Variants in USP6NL observed in about 807,000 individuals in gnomAD.
USP6NL encodes USP6 N-terminal-like protein.
A neutral mutation model predicts 61.9 loss-of-function variants in USP6NL; 26 were observed. That is an observed-to-expected ratio of 0.42 (90% CI 0.31 to 0.58). USP6NL has a LOEUF of 0.58. Ranked by LOEUF, USP6NL falls within the 20% of genes least tolerant of loss-of-function variation. The pLI is 0.16. For synonymous variants in USP6NL, 432 were observed against 390.1 expected, an observed-to-expected ratio of 1.11 and a Z score of -1.27; for missense variants, 1,114 against 1,034.3, an observed-to-expected ratio of 1.08 and a Z score of -1.06.
Position 11,489,700 on chromosome 10 carries a change from G to C in USP6NL, c.544-478C>G, listed in dbSNP as rs1833629757. Among the ~76,000 whole-genome samples, 1 of 152,160 alleles carries C rather than the reference G, an allele frequency of 6.6e-6. No homozygotes were observed. Among genetic ancestry groups the C allele is most frequent in the Admixed American group, 6.5e-5 (1 of 15,276 alleles). On this transcript the variant is annotated intron_variant, in intron 9 of 14. Transcript: ENST00000609104. The surrounding 1 kb of genome is among the most constrained non-coding windows in gnomAD (Gnocchi z 5.7). The stretch of plus-strand genomic sequence containing the variant: ...AATACCCACTCTCCCCATAGTCCCT[G>C]CTTATGATGTGGCCTTAAGGATTCA...
At chr10:11,514,730 A>G (rs985265236) in intron 5 of USP6NL, among the ~76,000 whole-genome samples, 26 of 152,350 alleles carry the variant, frequency 1.7e-4, no homozygotes, top group African/African-American at 6.3e-4. Flanking sequence ...AAGATGTTCA[A>G]AACTAAATTT....
At chr10:11,501,326 A>G in intron 6 of USP6NL, 118 bp from the exon 7 acceptor site, 1 of 761,058 alleles carries the variant, frequency 1.3e-6, no homozygotes, top group Admixed American at 2.9e-5. Context: ...ATGGCAATTA[A>G]TTAATACATT....
At chr10:11,606,143 A>G (rs1838700652) in intron 1 of USP6NL, among the ~76,000 whole-genome samples, 1 of 152,230 alleles carries the variant, frequency 6.6e-6, no homozygotes, top group Non-Finnish European at 1.5e-5. Flanking sequence ...CTGAGAAAGA[A>G]ACAAATTAGC....
At chr10:11,604,341 C>G (rs2133688064) in intron 1 of USP6NL, among the ~76,000 whole-genome samples, 1 of 152,162 alleles carries the variant, frequency 6.6e-6, no homozygotes, top group East Asian at 1.9e-4. Context: ...GAAGATCAAC[C>G]TAAATCATTA....
Position 11,510,257 on chromosome 10 carries a change from C to A in USP6NL, c.196-582G>T, listed in dbSNP as rs1189941238. ...CACACTGCGTTGTGGCAGGCACTGG[C>A]ACAGGCAGGAAGGGCCACGGCAGAA... On this transcript the variant is annotated intron_variant, in intron 5 of 14. Transcript: ENST00000609104. This position sits in a 1 kb window ranked among gnomAD's most constrained non-coding sequence, Gnocchi z 4.8. Among the ~76,000 whole-genome samples, 1 of 152,118 alleles carries A rather than the reference C, an allele frequency of 6.6e-6. No homozygotes were observed. The highest frequency in any genetic ancestry group is 1.5e-5 in the Non-Finnish European group (1 of 68,024).
rs1323795936 is a variant in USP6NL at position 11,598,121 on chromosome 10, TAA to T, written c.-83-406_-83-405del. Among the ~76,000 whole-genome samples, 7 of 152,324 alleles carry T rather than the reference TAA, an allele frequency of 4.6e-5. No homozygotes were observed. The South Asian group carries it at 1.4e-3, about 32-fold the overall frequency. On this transcript the variant is annotated intron_variant, in intron 1 of 14. Transcript: ENST00000609104. This position sits in a 1 kb window ranked among gnomAD's most constrained non-coding sequence, Gnocchi z 4.7. The stretch of plus-strand genomic sequence containing the variant: ...TTTGACTGCACATAAATGATTAATG[TAA>T]GACTTCAAATAAGGATCAGCAAAGT...
rs1006008652 is a variant in USP6NL, at chr10:11,490,644, T to A, written c.543+188A>T. 2.0e-5 allele frequency among the ~76,000 whole-genome samples: 3 copies of A among 152,222 alleles called. No individual in the cohort carries two copies. Among genetic ancestry groups the A allele is most frequent in the Non-Finnish European group, 2.9e-5 (2 of 68,042 alleles). The stretch of plus-strand genomic sequence containing the variant: ...GTGGTCATATTTAGGTTCTTCCACT[T>A]CAGAATCAGCTCTGTTCTAAGGCCC... On this transcript the variant is annotated intron_variant, in intron 9 of 14. Coordinates refer to ENST00000609104, the MANE Select transcript of USP6NL (RefSeq NM_014688.5). The surrounding 1 kb of genome is among the most constrained non-coding windows in gnomAD (Gnocchi z 4.5).
intron 2 of USP6NL, chr10:11,563,255 G>A (rs1176408132): frequency 6.6e-6 from 1 of 152,176 alleles, no homozygotes. Flanking sequence ...CAAATTCATT[G>A]CAAGGGGTTA....
intron 2 of USP6NL, among the ~76,000 whole-genome samples, chr10:11,579,911 A>G (rs1240922380): frequency 6.8e-6 from 1 of 147,702 alleles, no homozygotes; most frequent in South Asian, 2.2e-4. Context: ...GTGCGTCCAA[A>G]TATGACCCAT....
Position 11,462,862 on chromosome 10 carries a change from C to T in USP6NL, c.2066G>A (p.Ser689Asn). The T allele has an allele frequency of 6.2e-7, 1 of 1,613,888 alleles. No individual in the cohort carries two copies. Among genetic ancestry groups the T allele is most frequent in the South Asian group, 1.1e-5 (1 of 91,080 alleles). ...TCGACTAGACGGCAGTACAAGGGGG[C>T]TTGGGCGGCTGTAAGATTTCTCCGG... ...ASPEKSYSRP[S>N]PLVLPSSRIE... The change falls in exon 15 of 15, where the codon AGC (serine) becomes AAC (asparagine). Residue 689 changes from serine to asparagine, a missense_variant. Coordinates refer to ENST00000609104, the MANE Select transcript of USP6NL (RefSeq NM_014688.5).
At position 11,462,371 on chromosome 10, in the gene USP6NL, G is replaced by C. The variant is rs752836800; in HGVS notation, c.*70C>G. On this transcript the variant is annotated 3_prime_UTR_variant, in exon 15 of 15. Transcript: ENST00000609104. Reference sequence around the variant, plus strand: ...TTACAATAGTATAAATACTGCTTTGGCAATTATGAACATAGCAATGTAGGT... The same window carrying C: ...TTACAATAGTATAAATACTGCTTTGCCAATTATGAACATAGCAATGTAGGT... 4.0e-6 allele frequency: 6 copies of C among 1,504,000 alleles called. No individual in the cohort carries two copies. The highest frequency in any genetic ancestry group is 4.6e-5 in the East Asian group (2 of 43,698). 93.2% of individuals were successfully genotyped at this position (1,504,000 alleles called of 1,614,324 possible).
rs370101250 is a variant in USP6NL at position 11,495,132 on chromosome 10, G to C, written c.385-1904C>G. Among the ~76,000 whole-genome samples, 17 of 152,188 alleles carry C rather than the reference G, an allele frequency of 1.1e-4. No individual in the cohort carries two copies. The highest frequency in any genetic ancestry group is 2.2e-4 in the Non-Finnish European group (15 of 68,028). On this transcript the variant is annotated intron_variant, in intron 7 of 14. Transcript: ENST00000609104. The surrounding 1 kb of genome is among the most constrained non-coding windows in gnomAD (Gnocchi z 4.6). ...TACCGCTAGACCAAGGAGCCCTCTG[G>C]TGGCCCTGTCCGGGCATAACAGAAG...
In USP6NL at chr10:11,470,065, G is replaced by T. The variant is rs962062536; in HGVS notation, c.1079-6216C>A. On this transcript the variant is annotated intron_variant, in intron 14 of 14. Transcript: ENST00000609104. This position sits in a 1 kb window ranked among gnomAD's most constrained non-coding sequence, Gnocchi z 5.4. ...GAGGCCCTCAGGCCCCCGGGGCAGC[G>T]CTGTGGAGGTAGTAACGCTGTGCCT... Among the ~76,000 whole-genome samples the T allele has an allele frequency of 2.0e-5, 3 of 152,206 alleles. No individual in the cohort carries two copies. The highest frequency in any genetic ancestry group is 4.4e-5 in the Non-Finnish European group (3 of 68,038).
At chr10:11,610,790 G>A (rs893745643) in intron 1 of USP6NL, among the ~76,000 whole-genome samples, 1 of 151,984 alleles carries the variant, frequency 6.6e-6, no homozygotes, top group Non-Finnish European at 1.5e-5. Flanking sequence ...GGGGTGGGGA[G>A]AGACAACATT....
At chr10:11,606,007 T>C (rs1164728060) in intron 1 of USP6NL, among the ~76,000 whole-genome samples, 1 of 152,044 alleles carries the variant, frequency 6.6e-6, no homozygotes, top group Non-Finnish European at 1.5e-5. Flanking sequence ...CAAGTCACGG[T>C]ATCAAAATGC....
At chr10:11,599,819 C>T (rs1838455934) in intron 1 of USP6NL, among the ~76,000 whole-genome samples, 1 of 151,436 alleles carries the variant, frequency 6.6e-6, no homozygotes, top group African/African-American at 2.4e-5. Flanking sequence ...GCCACCACGC[C>T]CGGCTAATTT....
At chr10:11,579,426 C>T (rs1029221653) in intron 2 of USP6NL, among the ~76,000 whole-genome samples, 2 of 152,134 alleles carry the variant, frequency 1.3e-5, no homozygotes, top group East Asian at 1.9e-4. Flanking sequence ...ACTGCAGACA[C>T]GATTCCTGAA....
At chr10:11,479,827 G>C (rs574575331) in intron 14 of USP6NL, among the ~76,000 whole-genome samples, 4 of 151,980 alleles carry the variant, frequency 2.6e-5, no homozygotes, top group Non-Finnish European at 5.9e-5. Context: ...TGCCCTCCTC[G>C]GCCTCCTGAA....
chr10:11,512,231 C>G (rs34959719), intron 5 of USP6NL, among the ~76,000 whole-genome samples: 1 of 151,874 alleles, frequency 6.6e-6, no homozygotes, highest in South Asian at 2.1e-4. Context: ...TCGACATATC[C>G]GAAACTATTT....
Sources: gnomAD v4.1 joint callset for allele counts (sites outside exome capture counted in the v4.1 genomes callset) on GRCh38, gnomAD v4.1.1 for gene constraint, Gnocchi (gnomAD v3.1) non-coding constraint, MANE v1.5 for transcripts, NCBI Gene and HGNC (gene_info 2026-07-23, HGNC 2026-07-21) for gene names.